MAP1B: variants seen among roughly 807,000 people sequenced by gnomAD.
MAP1B encodes the protein microtubule associated protein 1B, also known as microtubule-associated protein 1B.
In MAP1B, 12 loss-of-function variants were observed where a neutral mutation model predicts 176.1. The observed-to-expected ratio is 0.07, with a 90% CI of 0.04 to 0.11. The LOEUF (loss-of-function observed/expected upper bound fraction) is 0.11. MAP1B is among the 10% of genes least tolerant of loss of function. MAP1B has a pLI of 1.00. For missense variants in MAP1B, 2,523 were observed against 2,990.5 expected (o/e 0.84, Z 3.65); for synonymous variants, 1,044 against 1,135.0 (o/e 0.92, Z 1.61).
Position 72,199,157 on chromosome 5 carries a change from A to G in MAP1B, c.5802A>G (p.Glu1934=). 2 of 1,614,180 alleles carry G rather than the reference A, an allele frequency of 1.2e-6. No homozygotes were observed. Among genetic ancestry groups the G allele is most frequent in the Middle Eastern group, 3.3e-4 (2 of 6,062 alleles). The change falls in exon 5 of 7, where the codon GAA becomes GAG. Residue 1934 remains glutamate, a synonymous_variant. Coordinates refer to ENST00000296755, the MANE Select transcript of MAP1B (RefSeq NM_005909.5). This position sits in a 1 kb window ranked among gnomAD's most constrained non-coding sequence, Gnocchi z 4.2. ...ETIGKTTKTP[E]DGDYSYEIIE... is the part of the protein sequence containing the mutation. ...TTGGGAAAACTACCAAGACCCCTGA[A>G]GATGGTGACTATTCCTATGAAATTA... is the stretch of plus-strand genomic sequence containing the variant.
chr5:72,154,352 C>A (rs62363202), intron 2 of MAP1B, among the ~76,000 whole-genome samples: 15,224 of 152,186 alleles, frequency 0.1, 811 homozygotes, highest in Non-Finnish European at 0.12. Context: ...ATTTTGGGAC[C>A]TATTGAATGT....
At chr5:72,169,287 G>C (rs1746489608) in intron 2 of MAP1B, among the ~76,000 whole-genome samples, 1 of 152,174 alleles carries the variant, frequency 6.6e-6, no homozygotes, top group Admixed American at 6.5e-5. Context: ...CTAATCACTT[G>C]AAAAGAGCTA....
intron 2 of MAP1B, among the ~76,000 whole-genome samples, chr5:72,130,358 C>A (rs949630290): frequency 1.3e-5 from 2 of 152,048 alleles, no homozygotes; most frequent in African/African-American, 4.8e-5. Context: ...AATAGGGAGG[C>A]CTTAGGCTAA....
intron 2 of MAP1B, among the ~76,000 whole-genome samples, chr5:72,177,906 A>G (rs1746683489): frequency 6.6e-6 from 1 of 151,976 alleles, no homozygotes. Context: ...TGACTCTATC[A>G]TTTTCTCTTC....
At chr5:72,166,806 C>T (rs1031960466) in intron 2 of MAP1B, among the ~76,000 whole-genome samples, 4 of 152,112 alleles carry the variant, frequency 2.6e-5, no homozygotes, top group South Asian at 4.1e-4. Context: ...ACTTTGAGCT[C>T]GCAAGCTGAC....
rs528410339 is a variant in MAP1B, at chr5:72,118,942, A to G, written c.286+3143A>G. 9.8e-5 allele frequency among the ~76,000 whole-genome samples: 15 copies of G among 152,340 alleles called. No individual in the cohort carries two copies. The South Asian group carries it at 2.7e-3, about 27-fold the overall frequency. On this transcript the variant is annotated intron_variant, in intron 2 of 6. Coordinates refer to ENST00000296755, the MANE Select transcript of MAP1B (RefSeq NM_005909.5). Reference sequence around the variant, plus strand: ...GATAGCCTCAAATTGCAGCTAACAGATTGTGCAAATGGCACAAGATTGATT... The same window carrying G: ...GATAGCCTCAAATTGCAGCTAACAGGTTGTGCAAATGGCACAAGATTGATT...
intron 5 of MAP1B, among the ~76,000 whole-genome samples, chr5:72,201,153 AG>A (rs1051265333): frequency 3.3e-5 from 5 of 151,900 alleles, no homozygotes; most frequent in Non-Finnish European, 7.4e-5. Context: ...GCTTCAGCCC[AG>A]GAAGTTGAGA....
chr5:72,115,256 C>T (rs1298954037), intron 1 of MAP1B, among the ~76,000 whole-genome samples: 5 of 152,152 alleles, frequency 3.3e-5, no homozygotes, highest in Admixed American at 6.5e-5. Context: ...ATGGCAGCCC[C>T]CGTGTATTTT....
At chr5:72,135,948 GA>G (rs1250315044) in intron 2 of MAP1B, among the ~76,000 whole-genome samples, 2 of 152,168 alleles carry the variant, frequency 1.3e-5, no homozygotes, top group African/African-American at 4.8e-5. Context: ...AGCCCAACAG[GA>G]TTTGACCAGG....
chr5:72,186,977 G>A lies in MAP1B; in HGVS notation c.510+223G>A, dbSNP rs1171090127. On this transcript the variant is annotated intron_variant, in intron 4 of 6. Coordinates refer to ENST00000296755, the MANE Select transcript of MAP1B (RefSeq NM_005909.5). This position sits in a 1 kb window ranked among gnomAD's most constrained non-coding sequence, Gnocchi z 4.3. Reference sequence around the variant, plus strand: ...TTGGAATCATTCTTAATGTGCCTGAGATATAGATGGGAGGGGTTGGAACAG... The same window carrying A: ...TTGGAATCATTCTTAATGTGCCTGAAATATAGATGGGAGGGGTTGGAACAG... Among the ~76,000 whole-genome samples, 4 of 152,320 alleles carry A rather than the reference G, an allele frequency of 2.6e-5. No individual in the cohort carries two copies. The East Asian group carries it at 7.7e-4, about 29-fold the overall frequency.
chr5:72,110,214 C>A (rs923960536), intron 1 of MAP1B, among the ~76,000 whole-genome samples: 1 of 152,224 alleles, frequency 6.6e-6, no homozygotes, highest in East Asian at 1.9e-4. Flanking sequence ...CAGAAGCCCC[C>A]TTGTGTTCCC....
At chr5:72,182,936 G>A (rs1746808564) in intron 2 of MAP1B, among the ~76,000 whole-genome samples, 2 of 152,166 alleles carry the variant, frequency 1.3e-5, no homozygotes, top group African/African-American at 2.4e-5. Flanking sequence ...TTCATAGAAG[G>A]TCATGCACAG....
intron 2 of MAP1B, among the ~76,000 whole-genome samples, chr5:72,140,519 G>A (rs1561296212): frequency 6.6e-6 from 1 of 152,130 alleles, no homozygotes; most frequent in Non-Finnish European, 1.5e-5. Context: ...ATAAGGGAGA[G>A]AAAAACAGCT....
At chr5:72,133,425 A>G (rs1489124626) in intron 2 of MAP1B, among the ~76,000 whole-genome samples, 1 of 152,326 alleles carries the variant, frequency 6.6e-6, no homozygotes, top group South Asian at 2.1e-4. Flanking sequence ...CCTGTCTTGC[A>G]TCCTAGGATT....
chr5:72,187,644 T>C (rs1746937629), intron 4 of MAP1B, among the ~76,000 whole-genome samples: 1 of 152,126 alleles, frequency 6.6e-6, no homozygotes, highest in Admixed American at 6.5e-5. Context: ...GGTGGTGGCT[T>C]GTCTGTCTCA....
In MAP1B at chr5:72,197,287, C is replaced by A; in HGVS notation, c.3932C>A (p.Ala1311Asp). The A allele has an allele frequency of 6.2e-7, 1 of 1,614,174 alleles. No homozygotes were observed. The highest frequency in any genetic ancestry group is 1.3e-5 in the African/African-American group (1 of 75,058). The change falls in exon 5 of 7, where the codon GCT becomes GAT. Residue 1311 changes from alanine to aspartate, a missense_variant. This residue lies in a region of MAP1B where 1,925 missense variants were observed against 2,126.0 expected (regional missense o/e 0.91). Coordinates refer to ENST00000296755, the MANE Select transcript of MAP1B (RefSeq NM_005909.5). Reference protein sequence around the residue: ...VTQEVVEEHCASPEDKTLEVV... With the variant: ...VTQEVVEEHCDSPEDKTLEVV... ...CAAGAAGTAGTTGAAGAACATTGTG[C>A]TAGTCCTGAGGACAAGACTCTGGAA...
intron 1 of MAP1B, 115 bp downstream of exon 1, chr5:72,107,830 C>T (rs1353287246): frequency 1.9e-6 from 2 of 1,027,018 alleles, no homozygotes; most frequent in East Asian, 2.6e-5. Context: ...TGCCTCTCCT[C>T]GTCACCTCTC....
At chr5:72,163,031 C>T (rs1746355598) in intron 2 of MAP1B, among the ~76,000 whole-genome samples, 1 of 151,968 alleles carries the variant, frequency 6.6e-6, no homozygotes, top group Admixed American at 6.6e-5. Flanking sequence ...AGATCGAGAC[C>T]AGCCTGGCCA....
At chr5:72,177,974 C>T (rs1365585548) in intron 2 of MAP1B, among the ~76,000 whole-genome samples, 1 of 151,942 alleles carries the variant, frequency 6.6e-6, no homozygotes, top group Non-Finnish European at 1.5e-5. Context: ...CCCTTCCCTC[C>T]TTCTCTTCTT....
Sources: allele counts gnomAD v4.1 joint callset (sites outside exome capture counted in the v4.1 genomes callset), GRCh38; gene constraint gnomAD v4.1.1; regional missense constraint gnomAD v4.1.1; non-coding constraint Gnocchi (gnomAD v3.1); transcripts MANE v1.5; gene names NCBI Gene and HGNC (gene_info 2026-07-23, HGNC 2026-07-21).